Variants in LMLN observed in about 807,000 individuals in gnomAD.
The protein encoded by LMLN is leishmanolysin like peptidase.
A neutral mutation model predicts 92.3 loss-of-function variants in LMLN; 70 were observed. The ratio of observed to expected loss-of-function variants is 0.76; its 90% CI spans 0.63 to 0.92. The LOEUF is 0.92. Ranked by LOEUF, LMLN falls within the 40% of genes least tolerant of loss-of-function variation. The probability of loss-of-function intolerance (pLI) is 0.00; values close to 1 mark genes in which losing one functional copy is unlikely to be tolerated. For synonymous variants in LMLN, 308 were observed against 296.2 expected (o/e 1.04, Z -0.41); for missense variants, 691 against 814.6 (o/e 0.85, Z 1.85).
chr3:198,000,874 A>AC (rs372187719), intron 11 of LMLN, among the ~76,000 whole-genome samples: 58 of 152,026 alleles, frequency 3.8e-4, no homozygotes, highest in African/African-American at 1.4e-3. Flanking sequence ...TACCCTGACC[A>AC]CCTACAGTGC....
chr3:197,981,121 A>G (rs1444098715), intron 6 of LMLN, among the ~76,000 whole-genome samples: 2 of 151,826 alleles, frequency 1.3e-5, no homozygotes, highest in East Asian at 3.9e-4. Flanking sequence ...AAGAAAAAAC[A>G]AAATGGCTGG....
At chr3:198,001,625 C>T (rs1295530350) in intron 11 of LMLN, among the ~76,000 whole-genome samples, 1 of 152,182 alleles carries the variant, frequency 6.6e-6, no homozygotes, top group Non-Finnish European at 1.5e-5. Flanking sequence ...ATTGTAGTTG[C>T]AGAAGTTGCA....
intron 11 of LMLN, among the ~76,000 whole-genome samples, chr3:198,010,218 G>A (rs569498908): frequency 1.3e-5 from 2 of 152,234 alleles, no homozygotes; most frequent in East Asian, 3.9e-4. Flanking sequence ...CAGTGGCACA[G>A]TCTTGGCTCA....
At chr3:198,035,353 C>T (rs1163167823) in intron 14 of LMLN, among the ~76,000 whole-genome samples, 3 of 146,238 alleles carry the variant, frequency 2.1e-5, no homozygotes, top group Admixed American at 6.8e-5. Flanking sequence ...CTAAATAACC[C>T]TCTTTTGGTT....
intron 11 of LMLN, among the ~76,000 whole-genome samples, chr3:198,013,883 C>A (rs543355235): frequency 7.9e-6 from 1 of 126,396 alleles, no homozygotes; most frequent in Non-Finnish European, 1.6e-5. Flanking sequence ...CTTCAGAGCC[C>A]CCTAACTAGT....
chr3:198,035,363 T>G (rs942255098), intron 14 of LMLN, among the ~76,000 whole-genome samples: 14 of 122,020 alleles, frequency 1.1e-4, no homozygotes, highest in Non-Finnish European at 1.9e-4. Context: ...CTCTTTTGGT[T>G]TTTTTTTTTT....
At chr3:198,002,447 A>C (rs1349802126) in intron 11 of LMLN, among the ~76,000 whole-genome samples, 1 of 152,238 alleles carries the variant, frequency 6.6e-6, no homozygotes, top group Non-Finnish European at 1.5e-5. Context: ...TTAAAAACTA[A>C]TGGACATAGG....
At chr3:197,974,498 T>C (rs754779449) in intron 2 of LMLN, 24 bp downstream of exon 2, 2 of 1,133,170 alleles carry the variant, frequency 1.8e-6, no homozygotes, top group Non-Finnish European at 2.5e-6. Flanking sequence ...TGTATTGTCA[T>C]CTTTTTCATT....
chr3:198,005,708 C>T (rs554338454), intron 11 of LMLN, among the ~76,000 whole-genome samples: 16 of 150,796 alleles, frequency 1.1e-4, no homozygotes, highest in Non-Finnish European at 1.9e-4. Context: ...AGTCTCAGCT[C>T]ACTGCAACCT....
At chr3:197,978,373 C>T (rs909082168) in intron 5 of LMLN, among the ~76,000 whole-genome samples, 4 of 152,268 alleles carry the variant, frequency 2.6e-5, no homozygotes, top group South Asian at 4.1e-4. Context: ...CAGTAGCTTA[C>T]ACCTGTAGTC....
intron 13 of LMLN, among the ~76,000 whole-genome samples, chr3:198,022,191 G>A (rs1195461208): frequency 2.0e-5 from 3 of 152,144 alleles, no homozygotes; most frequent in African/African-American, 7.2e-5. Flanking sequence ...GCAAAACAAT[G>A]TTCTTGTCTC....
At chr3:197,960,830 T>C (rs746891732) in intron 1 of LMLN, among the ~76,000 whole-genome samples, 3 of 152,108 alleles carry the variant, frequency 2.0e-5, no homozygotes, top group Non-Finnish European at 4.4e-5. Flanking sequence ...TGGTGAGATA[T>C]GCTTGTCCGG....
intron 14 of LMLN, among the ~76,000 whole-genome samples, chr3:198,033,329 AT>A (rs1404124893): frequency 6.6e-6 from 1 of 152,134 alleles, no homozygotes; most frequent in African/African-American, 2.4e-5. Flanking sequence ...TTGACTCTTA[AT>A]CATAAAATAG....
At chr3:197,999,945 T>G (rs2109899643) in intron 11 of LMLN, among the ~76,000 whole-genome samples, 1 of 152,350 alleles carries the variant, frequency 6.6e-6, no homozygotes, top group Non-Finnish European at 1.5e-5. Context: ...TTTTAAATTA[T>G]AAAGGAAAGA....
rs541905416 is a variant in LMLN at position 197,980,904 on chromosome 3, G to A, written c.728+400G>A. Among the ~76,000 whole-genome samples the A allele has an allele frequency of 1.4e-3, 206 of 151,552 alleles. 2 individuals carry two copies. Among genetic ancestry groups the A allele is most frequent in the African/African-American group, 4.6e-3 (190 of 41,256 alleles). On this transcript the variant is annotated intron_variant, in intron 6 of 15. Coordinates refer to ENST00000330198, the Ensembl canonical transcript of LMLN. ...GAGGATCACGTCAGCCCAGGAGCTC[G>A]AGACCCGCTTGGGCAACATAGTGAG...
intron 11 of LMLN, among the ~76,000 whole-genome samples, chr3:198,014,296 C>G (rs1483293009): frequency 6.6e-5 from 9 of 137,304 alleles, no homozygotes; most frequent in African/African-American, 2.6e-4. Flanking sequence ...AGTCCCCTAA[C>G]TAGTCTGACT....
chr3:198,035,791 ATATTTATTATTTT>A, intron 14 of LMLN, 29 bp from the exon 16 acceptor site: 1 of 1,401,090 alleles, frequency 7.1e-7, no homozygotes, highest in Admixed American at 1.7e-5. Flanking sequence ...TACTGACCTG[ATATTTATTATTTT>A]TATATATCTA....
chr3:198,010,690 A>G (rs909078174), intron 11 of LMLN, among the ~76,000 whole-genome samples: 22 of 152,068 alleles, frequency 1.4e-4, no homozygotes, highest in Non-Finnish European at 2.4e-4. Flanking sequence ...GGCTCTAGCA[A>G]TCGGCCCACC....
At chr3:198,030,169 T>A (rs1336972517) in intron 14 of LMLN, among the ~76,000 whole-genome samples, 1 of 152,186 alleles carries the variant, frequency 6.6e-6, no homozygotes, top group Non-Finnish European at 1.5e-5. Flanking sequence ...AAAAAGCTTA[T>A]ATTATTCTTT....
Sources: allele counts gnomAD v4.1 joint callset (sites outside exome capture counted in the v4.1 genomes callset), GRCh38; gene constraint gnomAD v4.1.1; transcripts MANE v1.5; gene names NCBI Gene and HGNC (gene_info 2026-07-23, HGNC 2026-07-21).